CFAP57: variants seen among roughly 807,000 people sequenced by gnomAD.
The protein encoded by CFAP57 is cilia- and flagella-associated protein 57.
In CFAP57, 116 loss-of-function variants were observed where a neutral mutation model predicts 146.8. The observed-to-expected ratio is 0.79, with a 90% confidence interval of 0.68 to 0.92. The LOEUF (loss-of-function observed/expected upper bound fraction) is 0.92, where lower values mean the gene tolerates loss of function less well. Among genes scored for constraint, CFAP57 ranks in the 40% least tolerant of loss-of-function variants. The pLI is 0.00. For missense variants in CFAP57, 1,377 were observed against 1,527.2 expected (o/e 0.90, Z 1.64); for synonymous variants, 518 against 552.8 (o/e 0.94, Z 0.88).
intron 4 of CFAP57, among the ~76,000 whole-genome samples, chr1:43,184,722 C>G (rs1461715567): frequency 6.6e-6 from 1 of 151,602 alleles, no homozygotes; most frequent in Non-Finnish European, 1.5e-5. Context: ...TACCATCCCC[C>G]CATGCCAATG....
At chr1:43,183,520 G>T (rs1223033516) in intron 3 of CFAP57, 71 bp from the exon 4 acceptor site, 1 of 1,390,830 alleles carries the variant, frequency 7.2e-7, no homozygotes, top group African/African-American at 1.4e-5. Flanking sequence ...ATATTAATTT[G>T]TAAAATGGGA....
chr1:43,188,619 T>C (rs1468051975), intron 6 of CFAP57, among the ~76,000 whole-genome samples: 2 of 152,232 alleles, frequency 1.3e-5, no homozygotes, highest in Admixed American at 1.3e-4. Context: ...GAGTCATATG[T>C]CTTTTTATTA....
chr1:43,237,795 G>C (rs1428177763), intron 21 of CFAP57, among the ~76,000 whole-genome samples: 1 of 152,152 alleles, frequency 6.6e-6, no homozygotes, highest in African/African-American at 2.4e-5. Flanking sequence ...TGAGGGTCAT[G>C]TTGGAAAGGG....
intron 2 of CFAP57, among the ~76,000 whole-genome samples, chr1:43,177,852 G>A (rs1227146788): frequency 1.3e-5 from 2 of 152,230 alleles, no homozygotes; most frequent in Non-Finnish European, 1.5e-5. Flanking sequence ...ACCTCCTGCT[G>A]TGTAGCCCAG....
intron 6 of CFAP57, among the ~76,000 whole-genome samples, chr1:43,191,710 T>A (rs1643545452): frequency 6.6e-6 from 1 of 151,988 alleles, no homozygotes; most frequent in African/African-American, 2.4e-5. Flanking sequence ...CATTGATTTT[T>A]CTCTATTGCT....
chr1:43,225,051 T>TTTTG (rs146484094), intron 17 of CFAP57, among the ~76,000 whole-genome samples: 2,051 of 151,216 alleles, frequency 0.014, 21 homozygotes, highest in African/African-American at 0.026. Context: ...ATATCCAGGG[T>TTTTG]TTTGTTTGTT....
chr1:43,202,607 A>C (rs1378548963), intron 9 of CFAP57, among the ~76,000 whole-genome samples: 1 of 151,546 alleles, frequency 6.6e-6, no homozygotes, highest in Non-Finnish European at 1.5e-5. Flanking sequence ...ACATGGTGAA[A>C]CTTCATCTCT....
chr1:43,185,013 A>T, intron 4 of CFAP57, 136 bp from the exon 5 acceptor site: 1 of 913,550 alleles, frequency 1.1e-6, no homozygotes, highest in Non-Finnish European at 1.7e-6. Flanking sequence ...GCCAAAGGGT[A>T]GTATTTGACT....
At chr1:43,211,761 G>A (rs1489246878) in intron 11 of CFAP57, among the ~76,000 whole-genome samples, 1 of 151,978 alleles carries the variant, frequency 6.6e-6, no homozygotes, top group Non-Finnish European at 1.5e-5. Flanking sequence ...TTCCTCAGAA[G>A]CATGATTTTA....
intron 21 of CFAP57, among the ~76,000 whole-genome samples, chr1:43,235,771 C>G (rs1453644049): frequency 2.0e-5 from 3 of 152,142 alleles, no homozygotes; most frequent in Non-Finnish European, 4.4e-5. Context: ...ATGGAGAGCC[C>G]CCTGGGGCTC....
rs1374731442 is a variant in CFAP57, at chr1:43,185,195, C to G, written c.808C>G (p.Gln270Glu). ...CAGTTCTCCACTCCCTTCCTATGAACAGATGGTGGCGGCCAGTAGCCATAG... is the reference window on the plus strand; with the variant it reads ...CAGTTCTCCACTCCCTTCCTATGAAGAGATGGTGGCGGCCAGTAGCCATAG... ...PVSSPLPSYE[Q>E]MVAASSHSQM... The change falls in exon 5 of 23, where the codon CAG becomes GAG. Residue 270 changes from glutamine (Q) to glutamate (E), a missense_variant. By Grantham distance (29) the Gln-to-Glu change is conservative. Transcript: ENST00000372492. The G allele has an allele frequency of 1.2e-6, 2 of 1,614,058 alleles. No homozygotes were observed. Among genetic ancestry groups the G allele is most frequent in the Non-Finnish European group, 1.7e-6 (2 of 1,180,042 alleles).
chr1:43,232,653 T>C (rs1175718730), intron 19 of CFAP57, 29 bp downstream of exon 19: 1 of 1,478,390 alleles, frequency 6.8e-7, no homozygotes, highest in Admixed American at 2.1e-5. Context: ...CTGGCAGTTC[T>C]TGGATTCGGG....
At chr1:43,203,647 G>T (rs775978186) in intron 9 of CFAP57, among the ~76,000 whole-genome samples, 1 of 152,096 alleles carries the variant, frequency 6.6e-6, no homozygotes, top group Non-Finnish European at 1.5e-5. Flanking sequence ...TTTTAGTAGA[G>T]ACAGGGTTTC....
At chr1:43,243,464 C>T (rs1439498294) in intron 22 of CFAP57, 105 bp downstream of exon 22, 2 of 1,254,622 alleles carry the variant, frequency 1.6e-6, no homozygotes, top group Non-Finnish European at 1.0e-6. Context: ...GTCCCATCTA[C>T]ACATGGCCTT....
intron 2 of CFAP57, among the ~76,000 whole-genome samples, chr1:43,175,267 A>G (rs1380485480): frequency 6.6e-6 from 1 of 152,008 alleles, no homozygotes; most frequent in East Asian, 1.9e-4. Context: ...ATATACGTAT[A>G]AAATACACAC....
chr1:43,209,406 T>C (rs984875462), intron 10 of CFAP57, among the ~76,000 whole-genome samples: 2 of 152,208 alleles, frequency 1.3e-5, no homozygotes, highest in Non-Finnish European at 2.9e-5. Context: ...TAACAGTAAC[T>C]GCCTCAGAGG....
intron 6 of CFAP57, among the ~76,000 whole-genome samples, chr1:43,195,766 A>G (rs1311603705): frequency 1.3e-5 from 2 of 152,256 alleles, no homozygotes; most frequent in East Asian, 3.8e-4. Flanking sequence ...CTGAAGCACA[A>G]TATCATTTAT....
At chr1:43,218,616 AG>A (rs1312360228) in intron 12 of CFAP57, among the ~76,000 whole-genome samples, 2 of 148,678 alleles carry the variant, frequency 1.3e-5, no homozygotes, top group Admixed American at 6.7e-5. Context: ...TCAAAAAAAA[AG>A]AGAAAAAAAG....
chr1:43,186,882 C>A (rs756493406), intron 6 of CFAP57, 23 bp downstream of exon 6: 1 of 1,613,796 alleles, frequency 6.2e-7, no homozygotes, highest in Admixed American at 1.7e-5. Flanking sequence ...AGCAATGGTC[C>A]TTCCAGACCA....
Sources: gnomAD v4.1 joint callset for allele counts (sites outside exome capture counted in the v4.1 genomes callset) on GRCh38, gnomAD v4.1.1 for gene constraint, MANE v1.5 for transcripts, NCBI Gene and HGNC (gene_info 2026-07-23, HGNC 2026-07-21) for gene names.